RPL39: variants seen among roughly 807,000 people sequenced by gnomAD.
The protein encoded by RPL39 is ribosomal protein L39.
For missense variants in RPL39, 6 were observed against 37.2 expected, an observed-to-expected ratio of 0.16 and a Z score of 2.18; for synonymous variants, 8 against 11.4, an observed-to-expected ratio of 0.70 and a Z score of 0.60.
At chrX:119,788,780 A>T (rs2429002) in intron 2 of RPL39, among the ~76,000 whole-genome samples, 50,397 of 110,193 alleles carry the variant, frequency 0.46, 8,731 homozygotes, top group African/African-American at 0.51. Flanking sequence ...GCCCATCAGG[A>T]CCAAAGAGCG....
At chrX:119,789,552 G>A (rs56332014) in intron 2 of RPL39, among the ~76,000 whole-genome samples, 37,494 of 107,523 alleles carry the variant, frequency 0.35, 5,520 homozygotes, top group Non-Finnish European at 0.46. Context: ...GCGAGACTCC[G>A]TCTCAAAACA....
intron 1 of RPL39, 41 bp from the exon 2 acceptor site, chrX:119,790,052 T>C (rs1474854940): frequency 2.5e-6 from 2 of 798,369 alleles, no homozygotes; most frequent in Admixed American, 2.3e-5. Flanking sequence ...TATTAGAGCC[T>C]GCCCGAATGA....
At chrX:119,787,674 A>G (rs1315716697) in intron 2 of RPL39, among the ~76,000 whole-genome samples, 1 of 110,963 alleles carries the variant, frequency 9.0e-6, no homozygotes, top group African/African-American at 3.3e-5. Flanking sequence ...TTTTTTTGAG[A>G]CAGGGTCACA....
In RPL39 at chrX:119,790,495, G is replaced by C. The variant is rs1231988260; in HGVS notation, c.4-484C>G. On this transcript the variant is annotated intron_variant, in intron 1 of 2. Transcript: ENST00000361575. ...TAAAACAGGGGTACGTACTTTTCAA[G>C]TGTTATTGGGAGGGTAATTAAGACT... The C allele has an allele frequency of 2.7e-5, 3 of 113,087 alleles. No individual in the cohort carries two copies. The East Asian group carries it at 8.2e-4, about 31-fold the overall frequency. The allele number at this position is 113,087 out of a possible 1,213,427, so 9.3% of individuals were successfully genotyped here. A position where few individuals can be genotyped will look rare whatever the true frequency, so the allele number is the denominator to read the frequency against.
intron 2 of RPL39, among the ~76,000 whole-genome samples, chrX:119,788,138 A>G (rs2055678041): frequency 8.9e-6 from 1 of 111,888 alleles, no homozygotes; most frequent in Non-Finnish European, 1.9e-5. Context: ...ACATCTAACT[A>G]GCTAAATGAA....
At chrX:119,787,390 A>G (rs1408690992) in intron 2 of RPL39, 1 of 373,492 alleles carries the variant, frequency 2.7e-6, no homozygotes, top group Non-Finnish European at 5.2e-6. Context: ...TTACCCTCAT[A>G]AAGGCAAAAT....
intron 2 of RPL39, among the ~76,000 whole-genome samples, chrX:119,788,208 A>C (rs2055678458): frequency 8.9e-6 from 1 of 111,904 alleles, no homozygotes; most frequent in Admixed American, 9.6e-5. Flanking sequence ...TCTTCTTAGC[A>C]AACCAATCCC....
rs1287639855 is a variant in RPL39, at chrX:119,791,629, G to A, written c.-53C>T. 10 of 1,115,605 alleles carry A rather than the reference G, an allele frequency of 9.0e-6. No homozygotes were observed. The South Asian group carries it at 1.1e-4, about 12-fold the overall frequency. 91.9% of individuals were successfully genotyped at this position (1,115,605 alleles called of 1,213,427 possible). ...ACGATGGCGGAGAAAGGAAGAGGAGGGAAGCTGGCGGAAGAACGAGCTTAG... is the reference window on the plus strand; with the variant it reads ...ACGATGGCGGAGAAAGGAAGAGGAGAGAAGCTGGCGGAAGAACGAGCTTAG... On this transcript the variant is annotated 5_prime_UTR_variant, in exon 1 of 3. Transcript: ENST00000361575.
At chrX:119,786,861 T>A in intron 2 of RPL39, 129 bp from the exon 3 acceptor site, 1 of 509,452 alleles carries the variant, frequency 2.0e-6, no homozygotes, top group East Asian at 3.5e-5. Flanking sequence ...AAGTTTGGAG[T>A]TCTTTCTGGA....
At chrX:119,789,227 G>A (rs930757743) in intron 2 of RPL39, among the ~76,000 whole-genome samples, 2 of 111,178 alleles carry the variant, frequency 1.8e-5, no homozygotes, top group Non-Finnish European at 3.8e-5. Flanking sequence ...TAGTGTCAAC[G>A]CAGCATGTAA....
intron 2 of RPL39, among the ~76,000 whole-genome samples, chrX:119,787,842 C>T (rs188462861): frequency 1.4e-4 from 15 of 110,380 alleles, no homozygotes; most frequent in Admixed American, 2.9e-4. Flanking sequence ...TAGAGATGGA[C>T]GGGGGTGGTC....
chrX:119,787,920 A>C (rs5957249), intron 2 of RPL39, among the ~76,000 whole-genome samples: 3 of 111,230 alleles, frequency 2.7e-5, no homozygotes. Flanking sequence ...GGCCTCTCCC[A>C]AAGTGCTGGG....
At chrX:119,789,506 G>A (rs776832039) in intron 2 of RPL39, among the ~76,000 whole-genome samples, 2 of 112,171 alleles carry the variant, frequency 1.8e-5, no homozygotes, top group Admixed American at 9.4e-5. Context: ...GCAGTGAGCC[G>A]AGATTGTGCC....
At position 119,788,360 on chromosome X, in the gene RPL39, C is replaced by T. The variant is rs186665460; in HGVS notation, c.107+1548G>A. 9.6e-3 allele frequency among the ~76,000 whole-genome samples: 1,064 copies of T among 110,537 alleles called. 13 individuals are homozygous for T. Among genetic ancestry groups the T allele is most frequent in the African/African-American group, 0.033 (1,013 of 30,398 alleles). On this transcript the variant is annotated intron_variant, in intron 2 of 2. Coordinates refer to ENST00000361575, the MANE Select transcript of RPL39 (RefSeq NM_001000.4). ...CAGCCTGGCCAAGATGGTGAAACCC[C>T]GTCTCTACTAAAAATACAAAAATTA...
intron 1 of RPL39, chrX:119,790,953 T>C (rs1156518486): frequency 8.8e-6 from 1 of 113,807 alleles, no homozygotes; most frequent in African/African-American, 3.3e-5. Flanking sequence ...AAATCAACAT[T>C]TTACATTTCC....
chrX:119,787,934 A>T (rs758137077), intron 2 of RPL39, among the ~76,000 whole-genome samples: 1 of 111,667 alleles, frequency 9.0e-6, no homozygotes, highest in South Asian at 3.7e-4. Flanking sequence ...TGCTGGGATT[A>T]TAAGTATGAA....
At chrX:119,787,555 C>T (rs989619826) in intron 2 of RPL39, 4 of 343,990 alleles carry the variant, frequency 1.2e-5, no homozygotes, top group African/African-American at 1.0e-4. Context: ...TTATCTGGGT[C>T]AAGGGTATAT....
intron 1 of RPL39, chrX:119,790,526 A>G (rs1405735586): frequency 8.9e-6 from 1 of 112,788 alleles, no homozygotes; most frequent in Admixed American, 9.4e-5. Context: ...AGACTTAGGG[A>G]AAGTCCCTGA....
intron 2 of RPL39, among the ~76,000 whole-genome samples, chrX:119,788,809 G>T (rs73214967): frequency 1.3e-4 from 14 of 111,326 alleles, no homozygotes; most frequent in African/African-American, 4.6e-4. Context: ...AAAAAGCCAT[G>T]CAGGAGACTG....
Sources: gnomAD v4.1 joint callset for allele counts (sites outside exome capture counted in the v4.1 genomes callset) on GRCh38, gnomAD v4.1.1 for gene constraint, MANE v1.5 for transcripts, NCBI Gene and HGNC (gene_info 2026-07-23, HGNC 2026-07-21) for gene names.